GRIK4: variants seen among roughly 807,000 people sequenced by gnomAD.
GRIK4 encodes glutamate ionotropic receptor kainate type subunit 4, also known as glutamate receptor ionotropic, kainate 4.
In GRIK4, 40 loss-of-function variants were observed where a neutral mutation model predicts 104.9. The ratio of observed to expected loss-of-function variants is 0.38; its 90% CI spans 0.30 to 0.50. The LOEUF (loss-of-function observed/expected upper bound fraction) is 0.50, where lower values mean the gene tolerates loss of function less well. GRIK4 is among the 20% of genes least tolerant of loss of function. GRIK4 has a pLI of 0.93. For synonymous variants in GRIK4, 485 were observed against 524.9 expected (o/e 0.92, Z 1.04); for missense variants, 1,047 against 1,308.1 (o/e 0.80, Z 3.08).
At position 120,902,232 on chromosome 11, in the gene GRIK4, C is replaced by A. The variant is rs1297273395; in HGVS notation, c.1273-3058C>A. Among the ~76,000 whole-genome samples the A allele has an allele frequency of 6.6e-6, 1 of 152,158 alleles. No individual in the cohort carries two copies. The highest frequency in any genetic ancestry group is 2.4e-5 in the African/African-American group (1 of 41,426). ...GGCTGCCGCTCCCATTCCCTGAACA[C>A]CTTTTCTGTATCAGACCCCGTGTTC... On this transcript the variant is annotated intron_variant, in intron 12 of 20. Coordinates refer to ENST00000527524, the MANE Select transcript of GRIK4 (RefSeq NM_014619.5). This position sits in a 1 kb window ranked among gnomAD's most constrained non-coding sequence, Gnocchi z 4.5.
At position 120,962,607 on chromosome 11, in the gene GRIK4, G is replaced by A. The variant is rs141762955; in HGVS notation, c.2192G>A (p.Arg731Gln). 61 of 1,614,052 alleles carry A rather than the reference G, an allele frequency of 3.8e-5. No homozygotes were observed. The African/African-American group carries it at 3.9e-4, about 10-fold the overall frequency. ...GAATCCACCATGAACGAGTACTATC[G>A]GCAGCGAAACTGCAACCTCACTCAG... ...LLESTMNEYY[R>Q]QRNCNLTQIG... Residue 731 changes from arginine (R) to glutamine (Q), a missense_variant, in exon 18 of 21, where the codon CGG (arginine) becomes CAG (glutamine). Around this residue, in one of 3 missense-constraint regions of GRIK4, gnomAD observed 440 missense variants for 652.3 expected, o/e 0.67. Coordinates refer to ENST00000527524, the MANE Select transcript of GRIK4 (RefSeq NM_014619.5).
At chr11:120,568,395 T>C (rs1035635643) in intron 1 of GRIK4, among the ~76,000 whole-genome samples, 4 of 105,290 alleles carry the variant, frequency 3.8e-5, no homozygotes, top group Non-Finnish European at 6.3e-5. Flanking sequence ...TTTTCTTTTC[T>C]TTTTTTTTTT....
intron 3 of GRIK4, among the ~76,000 whole-genome samples, chr11:120,695,778 C>T (rs1170238168): frequency 6.6e-6 from 1 of 152,138 alleles, no homozygotes; most frequent in African/African-American, 2.4e-5. Context: ...ATTGGCCCTG[C>T]AGAGGCCTGG....
chr11:120,903,150 C>T lies in GRIK4; in HGVS notation c.1273-2140C>T, dbSNP rs117428589. Among the ~76,000 whole-genome samples, 827 of 152,204 alleles carry T rather than the reference C, an allele frequency of 5.4e-3. 5 individuals are homozygous for T. The highest frequency in any genetic ancestry group is 0.02 in the Middle Eastern group (6 of 294). ...TCTGGGCTCCTAGAATCGTGATGTG[C>T]AGGTTTCTCCATGCACACCTGTACC... is the stretch of plus-strand genomic sequence containing the variant. On this transcript the variant is annotated intron_variant, in intron 12 of 20. Transcript: ENST00000527524. The surrounding 1 kb of genome is among the most constrained non-coding windows in gnomAD (Gnocchi z 4.4).
intron 8 of GRIK4, among the ~76,000 whole-genome samples, chr11:120,846,423 A>G (rs140161832): frequency 6.6e-6 from 1 of 152,336 alleles, no homozygotes; most frequent in Non-Finnish European, 1.5e-5. Context: ...AGGAGAGAGC[A>G]TGTAGTTCTT....
chr11:120,936,983 T>C lies in GRIK4; in HGVS notation c.1477-3364T>C, dbSNP rs181212518. 1.4e-3 allele frequency among the ~76,000 whole-genome samples: 218 copies of C among 152,268 alleles called. 1 individual carries two copies. Among genetic ancestry groups the C allele is most frequent in the African/African-American group, 4.9e-3 (202 of 41,562 alleles). The stretch of plus-strand genomic sequence containing the variant: ...GTCCCAGCCCCCTATCTTACTAGTT[T>C]GGTTTCATGGCACATTATCTCTTCA... On this transcript the variant is annotated intron_variant, in intron 13 of 20. Transcript: ENST00000527524.
At chr11:120,648,373 A>G (rs2135213399) in intron 1 of GRIK4, among the ~76,000 whole-genome samples, 1 of 152,192 alleles carries the variant, frequency 6.6e-6, no homozygotes, top group Middle Eastern at 3.4e-3. Flanking sequence ...CCCTTAGGAG[A>G]CTGAACATAG....
At chr11:120,704,819 G>A (rs1244443691) in intron 3 of GRIK4, among the ~76,000 whole-genome samples, 2 of 150,802 alleles carry the variant, frequency 1.3e-5, no homozygotes, top group Non-Finnish European at 1.5e-5. Context: ...ATTAACCTCT[G>A]CCATTCTAGC....
At chr11:120,577,425 A>G (rs928982924) in intron 1 of GRIK4, among the ~76,000 whole-genome samples, 1 of 151,770 alleles carries the variant, frequency 6.6e-6, no homozygotes, top group African/African-American at 2.4e-5. Context: ...CAGTTGCCCA[A>G]TAAAGGTGGA....
At chr11:120,676,852 G>A (rs1166674671) in intron 3 of GRIK4, among the ~76,000 whole-genome samples, 1 of 152,214 alleles carries the variant, frequency 6.6e-6, no homozygotes, top group South Asian at 2.1e-4. Flanking sequence ...TTAGGATGTG[G>A]GCATCTTTGG....
At chr11:120,790,517 G>A (rs2135490905) in intron 3 of GRIK4, among the ~76,000 whole-genome samples, 1 of 152,144 alleles carries the variant, frequency 6.6e-6, no homozygotes, top group Non-Finnish European at 1.5e-5. Flanking sequence ...GAGACCACCT[G>A]AACAAAAAAA....
chr11:120,766,116 T>A (rs1251474073), intron 3 of GRIK4, among the ~76,000 whole-genome samples: 1 of 152,260 alleles, frequency 6.6e-6, no homozygotes, highest in African/African-American at 2.4e-5. Context: ...AGCTGCTGAC[T>A]GGGGCTGCTA....
chr11:120,641,558 T>C (rs1281578188), intron 1 of GRIK4, among the ~76,000 whole-genome samples: 1 of 152,192 alleles, frequency 6.6e-6, no homozygotes, highest in African/African-American at 2.4e-5. Flanking sequence ...TTTTAGACCA[T>C]ATAGGGTAAC....
In GRIK4 at chr11:120,982,104, A is replaced by G; in HGVS notation, c.2396-2A>G. 6.4e-7 allele frequency: 1 copy of G among 1,559,078 alleles called. No individual in the cohort carries two copies. The highest frequency in any genetic ancestry group is 8.8e-7 in the Non-Finnish European group (1 of 1,130,110). The stretch of plus-strand genomic sequence containing the variant: ...TTTTCATTTGTTATCACTTTCTTAC[A>G]GGCCTGGGAATGGAGAATATTGGTG... On this transcript the variant is annotated splice_acceptor_variant, in intron 19 of 20. Coordinates refer to ENST00000527524, the MANE Select transcript of GRIK4 (RefSeq NM_014619.5). LOFTEE classifies it high-confidence loss of function.
chr11:120,794,436 A>G (rs962566072), intron 3 of GRIK4, among the ~76,000 whole-genome samples: 1 of 152,008 alleles, frequency 6.6e-6, no homozygotes, highest in Admixed American at 6.5e-5. Flanking sequence ...CAGAATTTCT[A>G]TATTGAAGCC....
intron 2 of GRIK4, among the ~76,000 whole-genome samples, chr11:120,657,414 C>T (rs1359583873): frequency 6.6e-6 from 1 of 152,226 alleles, no homozygotes; most frequent in African/African-American, 2.4e-5. Flanking sequence ...AGCGGAGTTG[C>T]CTTCACCCCC....
intron 15 of GRIK4, among the ~76,000 whole-genome samples, chr11:120,955,370 C>T (rs903718546): frequency 4.6e-5 from 7 of 152,176 alleles, no homozygotes; most frequent in African/African-American, 1.2e-4. Flanking sequence ...CGGATGGAAA[C>T]GGGAGGCAGC....
chr11:120,522,468 T>A (rs1947807463), intron 1 of GRIK4, among the ~76,000 whole-genome samples: 1 of 152,108 alleles, frequency 6.6e-6, no homozygotes, highest in South Asian at 2.1e-4. Context: ...TCTACAGGTG[T>A]GTACCACCAC....
intron 1 of GRIK4, among the ~76,000 whole-genome samples, chr11:120,582,863 T>C (rs1316411725): frequency 6.6e-6 from 1 of 152,234 alleles, no homozygotes; most frequent in African/African-American, 2.4e-5. Flanking sequence ...TGTATATTTC[T>C]TTGGGTATAT....
Sources: allele counts gnomAD v4.1 joint callset (sites outside exome capture counted in the v4.1 genomes callset), GRCh38; gene constraint gnomAD v4.1.1; regional missense constraint gnomAD v4.1.1; non-coding constraint Gnocchi (gnomAD v3.1); transcripts MANE v1.5; gene names NCBI Gene and HGNC (gene_info 2026-07-23, HGNC 2026-07-21).